The following DPP6 variants were observed in gnomAD, a reference collection of about 807,000 sequenced individuals.
DPP6 encodes the protein A-type potassium channel modulatory protein DPP6.
DPP6 carries 69 observed loss-of-function variants against 122.6 expected under a neutral mutation model. The observed-to-expected ratio is 0.56, with a 90% confidence interval of 0.46 to 0.69. DPP6 has a LOEUF of 0.69. DPP6 is among the 30% of genes least tolerant of loss of function. The probability of loss-of-function intolerance (pLI) is 0.00; values close to 1 mark genes in which losing one functional copy is unlikely to be tolerated. For synonymous variants in DPP6, 418 were observed against 433.1 expected, an observed-to-expected ratio of 0.97 and a Z score of 0.43; for missense variants, 928 against 1,116.9, an observed-to-expected ratio of 0.83 and a Z score of 2.41.
intron 1 of DPP6, among the ~76,000 whole-genome samples, chr7:154,128,120 T>C (rs1808072384): frequency 6.6e-6 from 1 of 150,586 alleles, no homozygotes; most frequent in Non-Finnish European, 1.5e-5. Flanking sequence ...ACAGCTGGCC[T>C]CTCTGCCCCA....
At chr7:154,648,932 A>T (rs1003335689) in intron 6 of DPP6, among the ~76,000 whole-genome samples, 47 of 135,332 alleles carry the variant, frequency 3.5e-4, no homozygotes, top group African/African-American at 1.2e-3. Context: ...AAAAAAAAAA[A>T]AATACACTTT....
Position 154,855,390 on chromosome 7 carries a change from G to A in DPP6, c.1714+1563G>A, listed in dbSNP as rs550642899. 1.8e-4 allele frequency among the ~76,000 whole-genome samples: 28 copies of A among 152,348 alleles called. No individual in the cohort carries two copies. The South Asian group carries it at 5.6e-3, about 30-fold the overall frequency. Reference sequence around the variant, plus strand: ...AAAAACACTCAGAATGGCCGTTGGAGGGACCCCGTGCTGAGAAGAAGCGGG... The same window carrying A: ...AAAAACACTCAGAATGGCCGTTGGAAGGACCCCGTGCTGAGAAGAAGCGGG... On this transcript the variant is annotated intron_variant, in intron 17 of 25. Coordinates refer to ENST00000377770, the MANE Select transcript of DPP6 (RefSeq NM_130797.4).
At chr7:154,233,136 G>C (rs1801009755) in intron 1 of DPP6, among the ~76,000 whole-genome samples, 1 of 151,976 alleles carries the variant, frequency 6.6e-6, no homozygotes, top group Non-Finnish European at 1.5e-5. Flanking sequence ...CTGTGAATTA[G>C]AGTAGTTTGT....
At chr7:154,614,763 C>CAGAG (rs77875105) in intron 5 of DPP6, among the ~76,000 whole-genome samples, 61,230 of 151,918 alleles carry the variant, frequency 0.4, 13,343 homozygotes, top group East Asian at 0.64. Context: ...ATTAGATAAA[C>CAGAG]GGAAGAAGGG....
At chr7:154,413,749 A>G (rs1019062400) in intron 1 of DPP6, among the ~76,000 whole-genome samples, 39 of 152,130 alleles carry the variant, frequency 2.6e-4, no homozygotes, top group Non-Finnish European at 1.3e-4. Flanking sequence ...TCAGTAACCA[A>G]TTATTTATAA....
intron 17 of DPP6, among the ~76,000 whole-genome samples, chr7:154,860,249 C>CCCTT (rs904450923): frequency 1.1e-4 from 16 of 152,140 alleles, no homozygotes; most frequent in African/African-American, 3.9e-4. Flanking sequence ...CCCACAGCTC[C>CCCTT]CCTTCCATCA....
At position 154,462,703 on chromosome 7, in the gene DPP6, G is replaced by A. The variant is rs567593082; in HGVS notation, c.359-12236G>A. Among the ~76,000 whole-genome samples, 6 of 151,998 alleles carry A rather than the reference G, an allele frequency of 3.9e-5. No homozygotes were observed. In the South Asian group the frequency reaches 1.2e-3, roughly 32 times the overall value. ...TTAGGGTACATGTGCACAACGTGCA[G>A]GTTTGTTACATATGTATACATGTGC... is the stretch of plus-strand genomic sequence containing the variant. On this transcript the variant is annotated intron_variant, in intron 2 of 25. Transcript: ENST00000377770.
chr7:153,802,197 C>T, the DPP6 span, among the ~76,000 whole-genome samples: 1 of 152,124 alleles, frequency 6.6e-6, no homozygotes, highest in African/African-American at 2.4e-5. Context: ...GTGCACGTTG[C>T]CTAAGCCACC....
intron 8 of DPP6, among the ~76,000 whole-genome samples, chr7:154,744,372 T>TC (rs1232293930): frequency 1.3e-5 from 2 of 152,130 alleles, no homozygotes; most frequent in African/African-American, 4.8e-5. Context: ...AACCCAAACT[T>TC]CATCTCTTCC....
intron 1 of DPP6, among the ~76,000 whole-genome samples, chr7:154,057,198 C>A (rs1800901748): frequency 6.6e-6 from 1 of 152,144 alleles, no homozygotes; most frequent in South Asian, 2.1e-4. Context: ...AGGGCCTTGG[C>A]AGCAACTGCC....
At chr7:153,783,344 T>C in the DPP6 span, among the ~76,000 whole-genome samples, 3 of 152,060 alleles carry the variant, frequency 2.0e-5, no homozygotes, top group African/African-American at 4.8e-5. Flanking sequence ...TGAGAGCAAG[T>C]AGGGGAAATG....
the DPP6 span, among the ~76,000 whole-genome samples, chr7:153,831,600 G>T: frequency 6.6e-6 from 1 of 152,214 alleles, no homozygotes; most frequent in African/African-American, 2.4e-5. Context: ...AGCAGCCACA[G>T]TAATATGTAA....
At chr7:154,607,986 CTTTTTT>C (rs1158332977) in intron 5 of DPP6, among the ~76,000 whole-genome samples, 1 of 102,150 alleles carries the variant, frequency 9.8e-6, no homozygotes, top group African/African-American at 3.0e-5. Context: ...TTTTTTTTTT[CTTTTTT>C]TTTTTGAGAC....
the DPP6 span, among the ~76,000 whole-genome samples, chr7:153,867,963 T>G: frequency 4.6e-5 from 7 of 152,132 alleles, no homozygotes; most frequent in Non-Finnish European, 1.0e-4. Flanking sequence ...TTATTGATTT[T>G]CGTATGTTGA....
At chr7:154,201,288 C>T (rs971085334) in intron 1 of DPP6, among the ~76,000 whole-genome samples, 1 of 152,078 alleles carries the variant, frequency 6.6e-6, no homozygotes, top group African/African-American at 2.4e-5. Flanking sequence ...CCACCATGCC[C>T]AGCTAATTTT....
rs771159147 is a variant in DPP6, at chr7:154,178,093, C to G, written c.243+125030C>G. On this transcript the variant is annotated intron_variant, in intron 1 of 25. Transcript: ENST00000377770. The stretch of plus-strand genomic sequence containing the variant: ...ACTTGGGGTGACCCAAAGCTGGGTC[C>G]AGATCAGGGGAGTCGGTTGTAAGTT... Among the ~76,000 whole-genome samples, 4 of 152,176 alleles carry G rather than the reference C, an allele frequency of 2.6e-5. No homozygotes were observed. In the South Asian group the frequency reaches 6.2e-4, roughly 24 times the overall value.
intron 18 of DPP6, among the ~76,000 whole-genome samples, chr7:154,868,858 C>G (rs1435194045): frequency 6.6e-6 from 1 of 152,242 alleles, no homozygotes; most frequent in Non-Finnish European, 1.5e-5. Context: ...CCCCAGAACT[C>G]TGTCCCGCTC....
At chr7:154,718,532 G>A (rs1400182320) in intron 7 of DPP6, among the ~76,000 whole-genome samples, 1 of 150,824 alleles carries the variant, frequency 6.6e-6, no homozygotes, top group Non-Finnish European at 1.5e-5. Flanking sequence ...CTGAGTTTTT[G>A]TCTCTATTCT....
At chr7:154,802,802 A>T (rs1412828091) in intron 13 of DPP6, among the ~76,000 whole-genome samples, 1 of 148,292 alleles carries the variant, frequency 6.7e-6, no homozygotes, top group Non-Finnish European at 1.5e-5. Context: ...GTGCCACTGC[A>T]CTCCAGCCTG....
Sources: gnomAD v4.1 joint callset for allele counts (sites outside exome capture counted in the v4.1 genomes callset) on GRCh38, gnomAD v4.1.1 for gene constraint, MANE v1.5 for transcripts, NCBI Gene and HGNC (gene_info 2026-07-23, HGNC 2026-07-21) for gene names.